The following KALRN variants were observed in gnomAD, a reference collection of about 807,000 sequenced individuals.
KALRN encodes kalirin.
A neutral mutation model predicts 353.7 loss-of-function variants in KALRN; 70 were observed. The observed-to-expected ratio is 0.20, with a 90% CI of 0.16 to 0.24. The LOEUF is 0.24. Ranked by LOEUF, KALRN falls within the 10% of genes least tolerant of loss-of-function variation. KALRN has a pLI of 1.00. For missense variants in KALRN, 2,791 were observed against 3,756.7 expected (o/e 0.74, Z 6.72); for synonymous variants, 1,391 against 1,434.8 (o/e 0.97, Z 0.69).
At chr3:124,703,859 G>C (rs1436081855) in intron 57 of KALRN, among the ~76,000 whole-genome samples, 1 of 148,278 alleles carries the variant, frequency 6.7e-6, no homozygotes, top group African/African-American at 2.5e-5. Flanking sequence ...TGTAGAGATG[G>C]AGTTCTCACT....
At chr3:124,439,593 G>C (rs1169146382) in intron 18 of KALRN, among the ~76,000 whole-genome samples, 1 of 152,118 alleles carries the variant, frequency 6.6e-6, no homozygotes, top group Non-Finnish European at 1.5e-5. Flanking sequence ...GCAAAAATTA[G>C]GGTAAGAATT....
chr3:124,466,347 AT>A (rs2060345507), intron 25 of KALRN, among the ~76,000 whole-genome samples: 1 of 152,300 alleles, frequency 6.6e-6, no homozygotes, highest in East Asian at 1.9e-4. Context: ...TTTTGATTGC[AT>A]TTTATAAGCA....
intron 10 of KALRN, among the ~76,000 whole-genome samples, chr3:124,368,579 T>G (rs1206070738): frequency 2.3e-5 from 3 of 128,242 alleles, no homozygotes; most frequent in Non-Finnish European, 3.3e-5. Context: ...CTTTCCAGAC[T>G]GGGCAGCCAG....
intron 1 of KALRN, among the ~76,000 whole-genome samples, chr3:124,127,417 G>A (rs1578354264): frequency 6.6e-6 from 1 of 152,214 alleles, no homozygotes. Context: ...ACTCCAATAT[G>A]TACCTGTGTT....
chr3:124,597,339 G>A (rs2076365922), intron 34 of KALRN, among the ~76,000 whole-genome samples: 1 of 148,322 alleles, frequency 6.7e-6, no homozygotes, highest in African/African-American at 2.5e-5. Flanking sequence ...AACAAAAAGG[G>A]GAAAAAAAGA....
intron 33 of KALRN, among the ~76,000 whole-genome samples, chr3:124,558,970 A>G (rs1286876733): frequency 6.6e-6 from 1 of 152,280 alleles, no homozygotes; most frequent in Non-Finnish European, 1.5e-5. Context: ...GGGACAATCT[A>G]GCTCACACAG....
chr3:124,435,193 A>C (rs566937118), intron 17 of KALRN, among the ~76,000 whole-genome samples: 1 of 152,356 alleles, frequency 6.6e-6, no homozygotes, highest in Admixed American at 6.5e-5. Context: ...GAGAATGAAT[A>C]GTTGCTGAAC....
chr3:124,334,437 G>T lies in KALRN; in HGVS notation c.1589G>T (p.Arg530Leu). Residue 530 changes from arginine (R) to leucine (L), a missense_variant, in exon 9 of 60, where the codon CGC becomes CTC. Physicochemically the swap from Arg to Leu is moderately radical, Grantham distance 102 (BLOSUM62 -2). Transcript: ENST00000682506. The surrounding 1 kb of genome is among the most constrained non-coding windows in gnomAD (Gnocchi z 4.2). ...QRRLESIWQH[R>L]KVRLHQRLQL... ...CGGCTGGAGAGCATCTGGCAGCACC[G>T]CAAGGTGCGGCTCCACCAGCGGCTG... 1.9e-6 allele frequency: 3 copies of T among 1,614,062 alleles called. No homozygotes were observed. Among genetic ancestry groups the T allele is most frequent in the Non-Finnish European group, 2.5e-6 (3 of 1,179,940 alleles).
In KALRN at chr3:124,232,403, A is replaced by C. The variant is rs187809484; in HGVS notation, c.149-2426A>C. The stretch of plus-strand genomic sequence containing the variant: ...TGCCTCTTGTCTACTGTTCCACCCA[A>C]AGAACCATGTCCCTCAGGCAGGCTG... On this transcript the variant is annotated intron_variant, in intron 2 of 59. Transcript: ENST00000682506. 2.0e-3 allele frequency among the ~76,000 whole-genome samples: 311 copies of C among 152,120 alleles called. 2 individuals carry two copies. The highest frequency in any genetic ancestry group is 7.3e-3 in the African/African-American group (304 of 41,490).
At chr3:124,082,398 A>G (rs2060588939) in intron 1 of KALRN, 2 of 431,502 alleles carry the variant, frequency 4.6e-6, no homozygotes, top group Admixed American at 5.4e-5. Flanking sequence ...GCTCTGGCAA[A>G]GCTACAACCA....
intron 11 of KALRN, among the ~76,000 whole-genome samples, chr3:124,394,532 A>G (rs1358943018): frequency 6.6e-6 from 1 of 152,180 alleles, no homozygotes; most frequent in Non-Finnish European, 1.5e-5. Context: ...GCATTTTATC[A>G]TCTTGAATAT....
chr3:124,374,097 A>G (rs1372074255), intron 10 of KALRN, among the ~76,000 whole-genome samples: 1 of 152,184 alleles, frequency 6.6e-6, no homozygotes. Flanking sequence ...GAACTTTGGG[A>G]GGTGATCAGT....
At chr3:124,350,567 C>T (rs1024595729) in intron 10 of KALRN, among the ~76,000 whole-genome samples, 5 of 152,064 alleles carry the variant, frequency 3.3e-5, no homozygotes, top group African/African-American at 1.2e-4. Flanking sequence ...AGGAAGTGGG[C>T]ATAAAATTCA....
intron 10 of KALRN, among the ~76,000 whole-genome samples, chr3:124,381,393 GGCATT>G (rs1439349147): frequency 2.0e-5 from 3 of 152,106 alleles, no homozygotes; most frequent in Non-Finnish European, 4.4e-5. Context: ...GGTGAAGAAG[GGCATT>G]GCACACCGTG....
chr3:124,616,153 C>T (rs1244339629), intron 34 of KALRN, among the ~76,000 whole-genome samples: 1 of 152,200 alleles, frequency 6.6e-6, no homozygotes, highest in African/African-American at 2.4e-5. Flanking sequence ...CTTCTTCTCT[C>T]AGGTTTCCTA....
intron 10 of KALRN, among the ~76,000 whole-genome samples, chr3:124,350,747 G>T (rs2082750802): frequency 6.6e-6 from 1 of 152,166 alleles, no homozygotes; most frequent in South Asian, 2.1e-4. Context: ...TGATAAGACT[G>T]TATTTTTTTT....
At chr3:124,273,692 A>G (rs1175813679) in intron 5 of KALRN, among the ~76,000 whole-genome samples, 2 of 152,228 alleles carry the variant, frequency 1.3e-5, no homozygotes, top group Non-Finnish European at 2.9e-5. Flanking sequence ...ATGTTCAGAG[A>G]AGAGGGAACA....
chr3:124,454,531 C>T (rs2059110204), intron 21 of KALRN, among the ~76,000 whole-genome samples: 1 of 152,186 alleles, frequency 6.6e-6, no homozygotes, highest in Admixed American at 6.5e-5. Context: ...TTATGGCTTA[C>T]TGAGTTCTTA....
chr3:124,689,723 T>C (rs2061723501), intron 51 of KALRN, among the ~76,000 whole-genome samples: 1 of 152,204 alleles, frequency 6.6e-6, no homozygotes, highest in Non-Finnish European at 1.5e-5. Flanking sequence ...GTTAATTTCA[T>C]TCAACAAATA....
Sources: gnomAD v4.1 joint callset for allele counts (sites outside exome capture counted in the v4.1 genomes callset) on GRCh38, gnomAD v4.1.1 for gene constraint, Gnocchi (gnomAD v3.1) non-coding constraint, MANE v1.5 for transcripts, NCBI Gene and HGNC (gene_info 2026-07-23, HGNC 2026-07-21) for gene names.